The following TCF12 variants were observed in gnomAD, a reference collection of about 807,000 sequenced individuals.
The protein encoded by TCF12 is DNA-binding protein HTF4.
Under a neutral mutation model 86.0 loss-of-function variants are expected in TCF12, and 45 were observed. The observed-to-expected ratio is 0.52, with a 90% CI of 0.41 to 0.67. The LOEUF (loss-of-function observed/expected upper bound fraction) is 0.67. Among genes scored for constraint, TCF12 ranks in the 30% least tolerant of loss-of-function variants. The pLI is 0.00. For missense variants in TCF12, 881 were observed against 859.9 expected (o/e 1.02, Z -0.31); for synonymous variants, 330 against 299.6 (o/e 1.10, Z -1.05).
At chr15:57,014,862 TTTATTATTA>T (rs139828642) in intron 3 of TCF12, among the ~76,000 whole-genome samples, 36,078 of 145,254 alleles carry the variant, frequency 0.25, 5,317 homozygotes, top group East Asian at 0.41. Context: ...TCTCTGGACC[TTTATTATTA>T]TTATTATTAT....
At chr15:57,090,560 C>T (rs1567402091) in intron 4 of TCF12, among the ~76,000 whole-genome samples, 3 of 152,170 alleles carry the variant, frequency 2.0e-5, no homozygotes, top group Non-Finnish European at 4.4e-5. Flanking sequence ...GTTATTTAGC[C>T]CTCTATTCCT....
intron 5 of TCF12, among the ~76,000 whole-genome samples, chr15:57,100,174 G>T (rs1411113261): frequency 6.6e-6 from 1 of 152,142 alleles, no homozygotes; most frequent in African/African-American, 2.4e-5. Flanking sequence ...CCTAACCAGA[G>T]ATGTTCTGAG....
intron 6 of TCF12, among the ~76,000 whole-genome samples, chr15:57,177,265 ATTT>A (rs3985739): frequency 0.055 from 6,220 of 112,650 alleles, 318 homozygotes; most frequent in Admixed American, 0.2. Context: ...GCAATAGACA[ATTT>A]TTTTTTTTTT....
At chr15:57,270,925 C>A (rs1478790740) in intron 18 of TCF12, among the ~76,000 whole-genome samples, 1 of 152,152 alleles carries the variant, frequency 6.6e-6, no homozygotes, top group African/African-American at 2.4e-5. Context: ...GCTGCCTGAT[C>A]CTTCCTCTGG....
chr15:57,148,418 A>AAC (rs1843191683), intron 5 of TCF12, among the ~76,000 whole-genome samples: 1 of 151,206 alleles, frequency 6.6e-6, no homozygotes, highest in Non-Finnish European at 1.5e-5. Flanking sequence ...GTTTAAAAAA[A>AAC]AAAAAAAATT....
At chr15:57,285,501 A>G (rs1444949979) in intron 20 of TCF12, among the ~76,000 whole-genome samples, 1 of 152,256 alleles carries the variant, frequency 6.6e-6, no homozygotes, top group Non-Finnish European at 1.5e-5. Context: ...AACTGGGACC[A>G]ATATGAAAAT....
intron 5 of TCF12, among the ~76,000 whole-genome samples, chr15:57,112,958 C>CT (rs1182159722): frequency 1.3e-5 from 2 of 152,096 alleles, no homozygotes; most frequent in Middle Eastern, 3.2e-3. Flanking sequence ...AGTTTGAATA[C>CT]TTTAAGTTTC....
chr15:57,033,160 C>T (rs1441221815), intron 3 of TCF12, among the ~76,000 whole-genome samples: 1 of 152,004 alleles, frequency 6.6e-6, no homozygotes, highest in Non-Finnish European at 1.5e-5. Context: ...AACTTTAGAG[C>T]TTCAGAGAAC....
intron 3 of TCF12, among the ~76,000 whole-genome samples, chr15:57,038,017 T>C (rs186268233): frequency 6.6e-6 from 1 of 152,310 alleles, no homozygotes; most frequent in Admixed American, 6.5e-5. Context: ...TAAACTAATA[T>C]TCATAAGAGT....
chr15:57,070,391 A>T (rs557433881), intron 4 of TCF12, among the ~76,000 whole-genome samples: 1 of 152,220 alleles, frequency 6.6e-6, no homozygotes, highest in African/African-American at 2.4e-5. Context: ...AAATGAAAAT[A>T]TGTGGGTACA....
intron 8 of TCF12, among the ~76,000 whole-genome samples, chr15:57,210,737 C>T (rs2058068198): frequency 6.6e-6 from 1 of 152,186 alleles, no homozygotes; most frequent in African/African-American, 2.4e-5. Flanking sequence ...GAAGCGTCCT[C>T]AAGATCGCGC....
At chr15:56,985,433 C>A (rs2063134494) in intron 3 of TCF12, among the ~76,000 whole-genome samples, 1 of 152,112 alleles carries the variant, frequency 6.6e-6, no homozygotes, top group African/African-American at 2.4e-5. Flanking sequence ...TAGTTACTTC[C>A]CTCGGGCCTA....
chr15:57,074,532 G>A (rs2069716266), intron 4 of TCF12, among the ~76,000 whole-genome samples: 1 of 152,052 alleles, frequency 6.6e-6, no homozygotes, highest in Non-Finnish European at 1.5e-5. Context: ...TTTGAAACAG[G>A]GTCTTGCTCT....
intron 5 of TCF12, among the ~76,000 whole-genome samples, chr15:57,128,881 C>G (rs1356542604): frequency 6.6e-6 from 1 of 152,210 alleles, no homozygotes; most frequent in African/African-American, 2.4e-5. Context: ...CTTTTTATAG[C>G]TGAATAATAT....
At chr15:57,096,637 G>C (rs1236300928) in intron 5 of TCF12, among the ~76,000 whole-genome samples, 2 of 151,996 alleles carry the variant, frequency 1.3e-5, no homozygotes, top group Non-Finnish European at 2.9e-5. Flanking sequence ...TGTGTAAATA[G>C]TTCTTATGTT....
intron 3 of TCF12, among the ~76,000 whole-genome samples, chr15:56,931,447 T>A (rs1369566376): frequency 6.6e-6 from 1 of 152,178 alleles, no homozygotes; most frequent in Non-Finnish European, 1.5e-5. Context: ...AAGCATTATA[T>A]GATCTCTACC....
intron 5 of TCF12, among the ~76,000 whole-genome samples, chr15:57,133,832 T>C (rs1263619008): frequency 2.0e-5 from 3 of 152,238 alleles, no homozygotes; most frequent in Non-Finnish European, 4.4e-5. Flanking sequence ...TTTTCTCTTT[T>C]TACCTATTTT....
intron 8 of TCF12, among the ~76,000 whole-genome samples, chr15:57,198,784 G>T (rs922785938): frequency 6.6e-6 from 1 of 152,106 alleles, no homozygotes; most frequent in Non-Finnish European, 1.5e-5. Context: ...CGCAGGTGCC[G>T]CCAGATGAGT....
intron 16 of TCF12, among the ~76,000 whole-genome samples, chr15:57,257,559 G>T (rs1254065059): frequency 6.6e-6 from 1 of 151,970 alleles, no homozygotes; most frequent in Non-Finnish European, 1.5e-5. Flanking sequence ...TACTCAGGAG[G>T]CTGAGGCAGG....
Sources: allele counts gnomAD v4.1 joint callset (sites outside exome capture counted in the v4.1 genomes callset), GRCh38; gene constraint gnomAD v4.1.1; transcripts MANE v1.5; gene names NCBI Gene and HGNC (gene_info 2026-07-23, HGNC 2026-07-21).